The following PLD5 variants were observed in gnomAD, a reference collection of about 807,000 sequenced individuals.
PLD5 encodes the protein inactive phospholipase D5.
Under a neutral mutation model 61.1 loss-of-function variants are expected in PLD5, and 36 were observed. The ratio of observed to expected loss-of-function variants is 0.59; its 90% CI spans 0.45 to 0.78. The LOEUF (loss-of-function observed/expected upper bound fraction) is 0.78, where lower values mean the gene tolerates loss of function less well. PLD5 is among the 30% of genes least tolerant of loss of function. PLD5 has a pLI of 0.00. For synonymous variants in PLD5, 243 were observed against 242.8 expected (o/e 1.00, Z -0.01); for missense variants, 515 against 644.4 (o/e 0.80, Z 2.17).
At chr1:242,516,250 T>TTATA (rs57043354) in intron 1 of PLD5, among the ~76,000 whole-genome samples, 10,898 of 138,082 alleles carry the variant, frequency 0.079, 612 homozygotes, top group East Asian at 0.31. Flanking sequence ...TAAAGTTAAA[T>TTATA]TATATATATA....
chr1:242,359,822 G>T (rs1660970100), intron 1 of PLD5, among the ~76,000 whole-genome samples: 1 of 152,184 alleles, frequency 6.6e-6, no homozygotes, highest in South Asian at 2.1e-4. Flanking sequence ...ATAGATAGCA[G>T]TAAATGAGTC....
chr1:242,394,338 GTATA>G (rs547486433), intron 1 of PLD5, among the ~76,000 whole-genome samples: 3 of 65,714 alleles, frequency 4.6e-5, no homozygotes, highest in South Asian at 1.2e-3. Flanking sequence ...ATATATGTGT[GTATA>G]TATGAGTATA....
intron 1 of PLD5, among the ~76,000 whole-genome samples, chr1:242,485,190 G>A: frequency 6.6e-6 from 1 of 152,114 alleles, no homozygotes; most frequent in Non-Finnish European, 1.5e-5. Context: ...ATTCAACATA[G>A]TGTTGGAAGT....
chr1:242,303,347 T>A (rs1676170495), intron 2 of PLD5, among the ~76,000 whole-genome samples: 1 of 152,216 alleles, frequency 6.6e-6, no homozygotes, highest in South Asian at 2.1e-4. Context: ...GCCCACAAGA[T>A]GAAATTGAAG....
At chr1:242,449,752 G>A (rs1666705036) in intron 1 of PLD5, among the ~76,000 whole-genome samples, 1 of 152,178 alleles carries the variant, frequency 6.6e-6, no homozygotes, top group African/African-American at 2.4e-5. Flanking sequence ...ACCCAGGGGA[G>A]GCAGGCACCG....
intron 1 of PLD5, among the ~76,000 whole-genome samples, chr1:242,454,456 T>C (rs1558579717): frequency 6.6e-6 from 1 of 151,986 alleles, no homozygotes; most frequent in African/African-American, 2.4e-5. Flanking sequence ...TAGACTTAAA[T>C]TGATGTTGGC....
chr1:242,232,839 T>C (rs1671393736), intron 4 of PLD5, among the ~76,000 whole-genome samples: 1 of 150,358 alleles, frequency 6.7e-6, no homozygotes, highest in African/African-American at 2.5e-5. Flanking sequence ...TGAGACTCCA[T>C]CTAAAATAAA....
chr1:242,168,356 C>T (rs771393258), intron 5 of PLD5, among the ~76,000 whole-genome samples: 2 of 152,178 alleles, frequency 1.3e-5, no homozygotes, highest in Non-Finnish European at 2.9e-5. Flanking sequence ...TTTGAAGCTA[C>T]AAGAACTCCA....
chr1:242,179,428 G>C (rs1199637992), intron 5 of PLD5, among the ~76,000 whole-genome samples: 2 of 152,148 alleles, frequency 1.3e-5, no homozygotes, highest in African/African-American at 4.8e-5. Flanking sequence ...TCTTTTGATA[G>C]GCAGAGGACT....
At chr1:242,118,504 G>T (rs918039705) in intron 6 of PLD5, among the ~76,000 whole-genome samples, 2 of 152,228 alleles carry the variant, frequency 1.3e-5, no homozygotes, top group Non-Finnish European at 2.9e-5. Flanking sequence ...CTGCCTGGTT[G>T]TGTATCTCTG....
At chr1:242,127,982 C>G (rs73132807) in intron 5 of PLD5, among the ~76,000 whole-genome samples, 10,340 of 152,142 alleles carry the variant, frequency 0.068, 1,163 homozygotes, top group African/African-American at 0.23. Context: ...TTCTCCATGT[C>G]AGACCCGTGG....
intron 9 of PLD5, among the ~76,000 whole-genome samples, chr1:242,090,393 A>G (rs1357566526): frequency 6.6e-6 from 1 of 152,240 alleles, no homozygotes; most frequent in East Asian, 1.9e-4. Flanking sequence ...TCTTATTGAC[A>G]TTCACAAGCC....
chr1:242,127,761 A>G (rs576068102), intron 5 of PLD5, among the ~76,000 whole-genome samples: 2 of 152,336 alleles, frequency 1.3e-5, no homozygotes, highest in South Asian at 4.1e-4. Flanking sequence ...CCACTAAAGA[A>G]CTTGTGTAAT....
intron 3 of PLD5, among the ~76,000 whole-genome samples, chr1:242,279,181 T>C (rs913416254): frequency 6.6e-6 from 1 of 152,198 alleles, no homozygotes; most frequent in African/African-American, 2.4e-5. Flanking sequence ...GAGGGAACAA[T>C]TGCAATCACA....
intron 4 of PLD5, among the ~76,000 whole-genome samples, chr1:242,237,834 A>G (rs1671740183): frequency 6.6e-6 from 1 of 152,164 alleles, no homozygotes. Flanking sequence ...TTAAATTTGA[A>G]TTTCAGATAA....
At chr1:242,152,956 AATTTACACTCC>A (rs139335684) in intron 5 of PLD5, among the ~76,000 whole-genome samples, 35,412 of 151,092 alleles carry the variant, frequency 0.23, 3,844 homozygotes, top group South Asian at 0.34. Flanking sequence ...TGGTTGAACT[AATTTACACTCC>A]CACCAACAGT....
intron 1 of PLD5, among the ~76,000 whole-genome samples, chr1:242,361,000 C>T (rs1371974206): frequency 6.6e-6 from 1 of 152,026 alleles, no homozygotes; most frequent in Non-Finnish European, 1.5e-5. Context: ...ATACCAGGTA[C>T]ATAGTGGGCA....
intron 2 of PLD5, among the ~76,000 whole-genome samples, chr1:242,304,489 C>CA (rs763231053): frequency 7.2e-4 from 110 of 152,268 alleles, no homozygotes; most frequent in Admixed American, 4.6e-4. Flanking sequence ...GGGGATGAGA[C>CA]AATTCTGTAA....
intron 2 of PLD5, among the ~76,000 whole-genome samples, chr1:242,309,328 C>G (rs140249682): frequency 0.86 from 130,202 of 151,432 alleles, 56,520 homozygotes; most frequent in East Asian, 0.94. Flanking sequence ...AACAGAACAA[C>G]AACAACAACA....
Sources: gnomAD v4.1 joint callset for allele counts (sites outside exome capture counted in the v4.1 genomes callset) on GRCh38, gnomAD v4.1.1 for gene constraint, MANE v1.5 for transcripts, NCBI Gene and HGNC (gene_info 2026-07-23, HGNC 2026-07-21) for gene names.